Variants in CHD5 observed in about 807,000 individuals in gnomAD.
CHD5 encodes chromodomain helicase DNA binding protein 5.
Under a neutral mutation model 230.3 loss-of-function variants are expected in CHD5, and 69 were observed. That is an observed-to-expected ratio of 0.30 (90% CI 0.25 to 0.37). The LOEUF is 0.37. CHD5 is among the 10% of genes least tolerant of loss of function. The pLI, the probability that CHD5 is intolerant of heterozygous loss-of-function variation, is 1.00. For missense variants in CHD5, 1,827 were observed against 2,622.8 expected (o/e 0.70, Z 6.63); for synonymous variants, 1,064 against 1,065.9 (o/e 1.00, Z 0.03).
Position 6,129,623 on chromosome 1 carries a change from A to T in CHD5, c.3388-554T>A, listed in dbSNP as rs1001964907. Among the ~76,000 whole-genome samples the T allele has an allele frequency of 6.6e-6, 1 of 152,136 alleles. No individual in the cohort carries two copies. Among genetic ancestry groups the T allele is most frequent in the Non-Finnish European group, 1.5e-5 (1 of 68,014 alleles). On this transcript the variant is annotated intron_variant, in intron 22 of 41. Transcript: ENST00000262450. This position sits in a 1 kb window ranked among gnomAD's most constrained non-coding sequence, Gnocchi z 6.8. ...GCATGGGCGCACACACATGTGAATG[A>T]GACATCAATTTGTATGTGTTCCCCT... is the stretch of plus-strand genomic sequence containing the variant.
At chr1:6,158,832 C>A (rs112042310) in intron 3 of CHD5, among the ~76,000 whole-genome samples, 1 of 150,188 alleles carries the variant, frequency 6.7e-6, no homozygotes, top group Non-Finnish European at 1.5e-5. Context: ...ACGGTGAAAC[C>A]CCATCTCTAC....
At chr1:6,106,888 GTGGAAGGATGGAGGGA>G (rs1254938107) in intron 38 of CHD5, 109 bp from the exon 39 acceptor site, 1 of 529,794 alleles carries the variant, frequency 1.9e-6, no homozygotes, top group African/African-American at 2.6e-5. Flanking sequence ...GGGTGGAGCA[GTGGAAGGATGGAGGGA>G]TGGAAGGATG....
chr1:6,168,827 T>C (rs1667292601), intron 1 of CHD5, among the ~76,000 whole-genome samples: 1 of 152,098 alleles, frequency 6.6e-6, no homozygotes, highest in African/African-American at 2.4e-5. Flanking sequence ...GAGACCAGCC[T>C]GGCCAACACG....
intron 29 of CHD5, 38 bp from the exon 30 acceptor site, chr1:6,124,699 G>A (rs941939000): frequency 6.3e-6 from 8 of 1,266,102 alleles, no homozygotes; most frequent in Non-Finnish European, 8.8e-6. Flanking sequence ...CAGGGAGTGG[G>A]GGGCCGGCAA....
At chr1:6,157,460 C>T (rs2100871054) in intron 3 of CHD5, among the ~76,000 whole-genome samples, 1 of 152,342 alleles carries the variant, frequency 6.6e-6, no homozygotes, top group South Asian at 2.1e-4. Context: ...CTGGGTCCCA[C>T]AACCCCGAAG....
Position 6,102,047 on chromosome 1 carries a change from A to G in CHD5, c.*3427T>C, listed in dbSNP as rs1281987027. 2.5e-6 allele frequency: 1 copy of G among 395,552 alleles called. No homozygotes were observed. The highest frequency in any genetic ancestry group is 5.1e-6 in the Non-Finnish European group (1 of 197,854). 24.5% of individuals were successfully genotyped at this position (395,552 alleles called of 1,614,324 possible). On this transcript the variant is annotated 3_prime_UTR_variant, in exon 42 of 42. Coordinates refer to ENST00000262450, the MANE Select transcript of CHD5 (RefSeq NM_015557.3). ...CCAGCCTGGGGCTGTGCCTGGGGAA[A>G]GGGGTCGGCCCCCTCTTAGCTGGGC...
intron 6 of CHD5, among the ~76,000 whole-genome samples, chr1:6,152,037 C>A (rs1667015787): frequency 6.6e-6 from 1 of 152,070 alleles, no homozygotes; most frequent in Admixed American, 6.5e-5. Context: ...CCCCCGAGAG[C>A]AGACCTGGGT....
At position 6,149,330 on chromosome 1, in the gene CHD5, G is replaced by A. The variant is rs1361439865; in HGVS notation, c.1077C>T (p.Asp359=). ...CQQGGEIILC[D]TCPRAYHLVC... Reference sequence around the variant, plus strand: ...CGAGATGGTAGGCCCTCGGGCAGGTGTCGCACAGGATGATCTCCCCACCCT... The same window carrying A: ...CGAGATGGTAGGCCCTCGGGCAGGTATCGCACAGGATGATCTCCCCACCCT... The change falls in exon 8 of 42, where the codon GAC becomes GAT. Residue 359 remains aspartate, a synonymous_variant. Coordinates refer to ENST00000262450, the MANE Select transcript of CHD5 (RefSeq NM_015557.3). 2 of 1,613,158 alleles carry A rather than the reference G, an allele frequency of 1.2e-6. No homozygotes were observed. The highest frequency in any genetic ancestry group is 1.3e-5 in the African/African-American group (1 of 74,610).
At chr1:6,158,113 T>A (rs937885750) in intron 3 of CHD5, among the ~76,000 whole-genome samples, 2 of 152,204 alleles carry the variant, frequency 1.3e-5, no homozygotes, top group Non-Finnish European at 2.9e-5. Flanking sequence ...AATGGCACTG[T>A]CACTCACCCA....
intron 2 of CHD5, among the ~76,000 whole-genome samples, chr1:6,164,921 G>A (rs564610492): frequency 4.1e-4 from 63 of 152,096 alleles, no homozygotes; most frequent in Non-Finnish European, 8.4e-4. Context: ...GAGAAAAGAC[G>A]GCAAAGGAGA....
rs201248560 is a variant in CHD5 at position 6,111,829 on chromosome 1, A to G, written c.5195T>C (p.Ile1732Thr). The change falls in exon 36 of 42, where the codon ATC (isoleucine) becomes ACC (threonine). Residue 1732 changes from isoleucine to threonine, a missense_variant. Ile to Thr is a moderately conservative substitution (Grantham distance 89). Around this residue, in one of 14 missense-constraint regions of CHD5, gnomAD observed 272 missense variants for 263.2 expected, o/e 1.03. Transcript: ENST00000262450. ...ATGGCGCCGGTGCCAGATGTCGTAG[A>G]TTTTCCCAGAGGATACAGCAGCCCG... ...EERAAVSSGK[I>T]YDIWHRRHDY... The G allele has an allele frequency of 3.1e-6, 5 of 1,613,504 alleles. No individual in the cohort carries two copies. The highest frequency in any genetic ancestry group is 1.3e-5 in the African/African-American group (1 of 75,012).
rs1166392675 is a variant in CHD5, at chr1:6,112,257, T to G, written c.5023A>C (p.Lys1675Gln). ...TTTTGCTGTGTTTCAATGGGCTCCT[T>G]CTCCTCAGCCTTGGTGTCATCTGCC... is the stretch of plus-strand genomic sequence containing the variant. ...LRPDDTKAEE[K>Q]EPIETQQNGD... Residue 1675 changes from lysine to glutamine, a missense_variant, in exon 35 of 42, where the codon AAG (lysine) becomes CAG (glutamine). By Grantham distance (53) the Lys-to-Gln change is moderately conservative (BLOSUM62 1). Coordinates refer to ENST00000262450, the MANE Select transcript of CHD5 (RefSeq NM_015557.3). 2 of 1,614,026 alleles carry G rather than the reference T, an allele frequency of 1.2e-6. No individual in the cohort carries two copies. Among genetic ancestry groups the G allele is most frequent in the East Asian group, 4.5e-5 (2 of 44,884 alleles).
intron 15 of CHD5, among the ~76,000 whole-genome samples, chr1:6,140,131 G>A (rs908056390): frequency 7.9e-5 from 12 of 151,974 alleles, no homozygotes; most frequent in Non-Finnish European, 1.3e-4. Context: ...GGCCAGGTGC[G>A]GTGGCTCAAG....
At chr1:6,168,125 C>A in intron 2 of CHD5, 25 bp downstream of exon 2, 2 of 1,583,704 alleles carry the variant, frequency 1.3e-6, no homozygotes, top group Non-Finnish European at 1.7e-6. Context: ...GCCCCAAGCT[C>A]GCCGGCGCAG....
rs532539835 is a variant in CHD5 at position 6,171,793 on chromosome 1, G to A, written c.80-3516C>T. Among the ~76,000 whole-genome samples the A allele has an allele frequency of 9.8e-5, 15 of 152,322 alleles. No individual in the cohort carries two copies. The East Asian group carries it at 1.2e-3, about 12-fold the overall frequency. On this transcript the variant is annotated intron_variant, in intron 1 of 41. Coordinates refer to ENST00000262450, the MANE Select transcript of CHD5 (RefSeq NM_015557.3). ...GTTAAGGTGGCATCCTGCCCGTCCC[G>A]GGTGAGGGGCTCCAGGGAGGAGCAA... is the stretch of plus-strand genomic sequence containing the variant.
rs1667067355 is a variant in CHD5 at position 6,155,526 on chromosome 1, C to T, written c.506+73G>A. 2 of 1,357,606 alleles carry T rather than the reference C, an allele frequency of 1.5e-6. No individual in the cohort carries two copies. Among genetic ancestry groups the T allele is most frequent in the African/African-American group, 1.4e-5 (1 of 69,606 alleles). 84.1% of individuals were successfully genotyped at this position (1,357,606 alleles called of 1,614,324 possible). ...TACCCCAGGTGCCGGGGCTTCACTC[C>T]TCTGCCTCCCTCCCGACTTGGTACC... is the stretch of plus-strand genomic sequence containing the variant. On this transcript the variant is annotated intron_variant, in intron 4 of 41. Transcript: ENST00000262450. This position sits in a 1 kb window ranked among gnomAD's most constrained non-coding sequence, Gnocchi z 4.0.
chr1:6,113,323 C>T (rs1014554385), intron 33 of CHD5: 1 of 441,518 alleles, frequency 2.3e-6, no homozygotes, highest in Non-Finnish European at 4.5e-6. Flanking sequence ...GTTCAGGAAG[C>T]TGAGGTGGGA....
rs1420495273 is a variant in CHD5 at position 6,121,230 on chromosome 1, G to A, written c.4787C>T (p.Pro1596Leu). 1 of 1,610,426 alleles carries A rather than the reference G, an allele frequency of 6.2e-7. No individual in the cohort carries two copies. The highest frequency in any genetic ancestry group is 1.3e-5 in the African/African-American group (1 of 74,686). ...PRQPLEVQALPAALDRVESED... is the reference protein window; with the variant it reads ...PRQPLEVQALLAALDRVESED... Reference sequence around the variant, plus strand: ...ACTCTCCACTCTATCCAAGGCGGCTGGAAGGGCCTGCAGAGGAAAAGCCAG... The same window carrying A: ...ACTCTCCACTCTATCCAAGGCGGCTAGAAGGGCCTGCAGAGGAAAAGCCAG... The change falls in exon 33 of 42, where the codon CCA (proline) becomes CTA (leucine). Residue 1596 changes from proline to leucine, a missense_variant. Around this residue, in one of 14 missense-constraint regions of CHD5, gnomAD observed 272 missense variants for 263.2 expected, o/e 1.03. Transcript: ENST00000262450. The surrounding 1 kb of genome is among the most constrained non-coding windows in gnomAD (Gnocchi z 4.5).
At chr1:6,152,275 A>C in intron 6 of CHD5, 137 bp downstream of exon 6, 4 of 894,960 alleles carry the variant, frequency 4.5e-6, no homozygotes, top group African/African-American at 1.7e-5. Context: ...GTAGGATGGA[A>C]GGAGAATAGT....
Sources: gnomAD v4.1 joint callset for allele counts (sites outside exome capture counted in the v4.1 genomes callset) on GRCh38, gnomAD v4.1.1 for gene constraint, gnomAD v4.1.1 regional missense constraint, Gnocchi (gnomAD v3.1) non-coding constraint, MANE v1.5 for transcripts, NCBI Gene and HGNC (gene_info 2026-07-23, HGNC 2026-07-21) for gene names.